SYNE2: variants seen among roughly 807,000 people sequenced by gnomAD.
SYNE2 encodes the protein spectrin repeat containing nuclear envelope protein 2.
SYNE2 carries 431 observed loss-of-function variants against 856.3 expected under a neutral mutation model. The ratio of observed to expected loss-of-function variants is 0.50; its 90% CI spans 0.47 to 0.55. The LOEUF (loss-of-function observed/expected upper bound fraction) is 0.55, where lower values mean the gene tolerates loss of function less well. SYNE2 is among the 20% of genes least tolerant of loss of function. The pLI is 0.00. For synonymous variants in SYNE2, 2,923 were observed against 2,872.3 expected (o/e 1.02, Z -0.56); for missense variants, 8,129 against 8,023.2 (o/e 1.01, Z -0.50).
chr14:64,135,016 T>C (rs2098072770), intron 78 of SYNE2, among the ~76,000 whole-genome samples: 1 of 118,596 alleles, frequency 8.4e-6, no homozygotes, highest in South Asian at 2.4e-4. Flanking sequence ...CCTCAAACTT[T>C]TAAACTTTTT....
intron 1 of SYNE2, among the ~76,000 whole-genome samples, chr14:63,884,324 A>G (rs985283906): frequency 1.3e-5 from 2 of 152,186 alleles, no homozygotes; most frequent in African/African-American, 4.8e-5. Flanking sequence ...AGAAAAGAGT[A>G]AAGGTAGGAG....
intron 96 of SYNE2, among the ~76,000 whole-genome samples, chr14:64,179,712 T>C (rs1284899514): frequency 6.6e-6 from 1 of 152,194 alleles, no homozygotes; most frequent in Non-Finnish European, 1.5e-5. Flanking sequence ...TTTTACTGAT[T>C]TTTTTCCATT....
intron 87 of SYNE2, among the ~76,000 whole-genome samples, chr14:64,159,861 G>A (rs962449928): frequency 1.3e-5 from 2 of 152,130 alleles, no homozygotes; most frequent in African/African-American, 4.8e-5. Flanking sequence ...TGTTGCGGAG[G>A]GCATTTGTGG....
At chr14:63,888,466 A>ATTCACC (rs1166984935) in intron 1 of SYNE2, among the ~76,000 whole-genome samples, 4 of 152,156 alleles carry the variant, frequency 2.6e-5, no homozygotes, top group African/African-American at 9.7e-5. Context: ...ACTGCTGCCT[A>ATTCACC]TTCACCATTC....
chr14:64,169,113 C>T, intron 93 of SYNE2, 142 bp downstream of exon 93: 1 of 704,296 alleles, frequency 1.4e-6, no homozygotes, highest in Non-Finnish European at 2.6e-6. Flanking sequence ...GACCAGGCTT[C>T]TAACTATGTA....
At chr14:64,077,179 A>G (rs1026488804) in intron 54 of SYNE2, among the ~76,000 whole-genome samples, 2 of 152,158 alleles carry the variant, frequency 1.3e-5, no homozygotes, top group Non-Finnish European at 2.9e-5. Context: ...AGCTAAAGGA[A>G]GTTCAAGGAT....
chr14:64,186,290 C>G (rs1293198358), intron 96 of SYNE2, 134 bp from the exon 97 acceptor site: 1 of 1,157,566 alleles, frequency 8.6e-7, no homozygotes, highest in South Asian at 1.3e-5. Flanking sequence ...TGGGCTGTTT[C>G]CCATTCAGAA....
At chr14:64,203,990 T>C (rs2098593311) in intron 100 of SYNE2, among the ~76,000 whole-genome samples, 1 of 152,232 alleles carries the variant, frequency 6.6e-6, no homozygotes, top group Non-Finnish European at 1.5e-5. Context: ...TAGATGGCAC[T>C]GCAGGCAGGC....
intron 11 of SYNE2, among the ~76,000 whole-genome samples, chr14:63,974,888 G>GTACATATATATATATATATA (rs1370206967): frequency 3.8e-5 from 1 of 26,462 alleles, no homozygotes; most frequent in East Asian, 1.5e-3. Flanking sequence ...GTGTGTGTGT[G>GTACATATATATATATATATA]TGTGTATATA....
chr14:63,799,711 A>C (rs1595120967), intron 1 of SYNE2, among the ~76,000 whole-genome samples: 1 of 152,218 alleles, frequency 6.6e-6, no homozygotes, highest in Non-Finnish European at 1.5e-5. Flanking sequence ...ACAAACAAAA[A>C]AGACTTTTTG....
At chr14:63,932,618 C>T (rs2095776101) in intron 2 of SYNE2, among the ~76,000 whole-genome samples, 1 of 152,148 alleles carries the variant, frequency 6.6e-6, no homozygotes, top group South Asian at 2.1e-4. Context: ...ATGGGAGGAT[C>T]ACTTGAGCCG....
chr14:64,075,856 T>A, intron 53 of SYNE2, 89 bp from the exon 54 acceptor site: 1 of 1,435,448 alleles, frequency 7.0e-7, no homozygotes, highest in African/African-American at 1.4e-5. Flanking sequence ...CTTTAAATCA[T>A]AAGGATGTGC....
At chr14:64,053,905 G>A (rs753187417) in intron 48 of SYNE2, among the ~76,000 whole-genome samples, 1 of 152,190 alleles carries the variant, frequency 6.6e-6, no homozygotes, top group Non-Finnish European at 1.5e-5. Flanking sequence ...GGTGGCGCAA[G>A]TTGTAATGAG....
At chr14:64,025,838 G>A (rs1231868921) in intron 41 of SYNE2, among the ~76,000 whole-genome samples, 1 of 152,114 alleles carries the variant, frequency 6.6e-6, no homozygotes, top group Non-Finnish European at 1.5e-5. Context: ...ATTAGATAGT[G>A]GGAGGGGAAA....
intron 45 of SYNE2, among the ~76,000 whole-genome samples, chr14:64,041,218 T>C (rs1416968020): frequency 6.6e-6 from 1 of 152,154 alleles, no homozygotes; most frequent in Non-Finnish European, 1.5e-5. Flanking sequence ...AGAGAAAATA[T>C]TTAAATCTTT....
chr14:63,794,899 T>G (rs1279500212), intron 1 of SYNE2, among the ~76,000 whole-genome samples: 1 of 152,170 alleles, frequency 6.6e-6, no homozygotes, highest in Non-Finnish European at 1.5e-5. Flanking sequence ...ATAATTCTAC[T>G]CCTAGATACT....
At chr14:63,856,031 A>G (rs912369719) in intron 1 of SYNE2, among the ~76,000 whole-genome samples, 2 of 152,154 alleles carry the variant, frequency 1.3e-5, no homozygotes, top group Non-Finnish European at 2.9e-5. Flanking sequence ...TAGAGAGGAG[A>G]CAGGCATGGA....
chr14:63,954,287 A>T (rs2096211446), intron 7 of SYNE2, among the ~76,000 whole-genome samples: 1 of 152,096 alleles, frequency 6.6e-6, no homozygotes, highest in Non-Finnish European at 1.5e-5. Flanking sequence ...AGGAACCTTG[A>T]CCTTCCCTGT....
At chr14:63,819,789 G>T (rs1432020248) in intron 1 of SYNE2, among the ~76,000 whole-genome samples, 2 of 143,894 alleles carry the variant, frequency 1.4e-5, no homozygotes, top group Non-Finnish European at 3.0e-5. Context: ...ACCCGCCTCG[G>T]CCTCCCAAAG....
Sources: gnomAD v4.1 joint callset for allele counts (sites outside exome capture counted in the v4.1 genomes callset) on GRCh38, gnomAD v4.1.1 for gene constraint, MANE v1.5 for transcripts, NCBI Gene and HGNC (gene_info 2026-07-23, HGNC 2026-07-21) for gene names.